RNASE9: variants seen among roughly 807,000 people sequenced by gnomAD.
RNASE9 encodes the protein inactive ribonuclease-like protein 9.
For synonymous variants in RNASE9, 95 were observed against 87.6 expected (o/e 1.08, Z -0.47); for missense variants, 263 against 247.1 (o/e 1.06, Z -0.43).
intron 1 of RNASE9, 45 bp downstream of exon 1, chr14:20,560,829 C>G (rs1883926001): frequency 6.6e-6 from 1 of 152,052 alleles, no homozygotes; most frequent in South Asian, 2.1e-4. Context: ...TATTATAGTA[C>G]TAGGACTCTC....
chr14:20,560,501 C>T (rs747496885), intron 1 of RNASE9: 2 of 151,444 alleles, frequency 1.3e-5, no homozygotes, highest in African/African-American at 4.9e-5. Flanking sequence ...GAAAGACAAA[C>T]AGCAAATTTT....
chr14:20,556,291 G>C (rs1309732939), exon 3 of RNASE9: 2 of 596,864 alleles, frequency 3.4e-6, no homozygotes, highest in African/African-American at 3.7e-5. Context: ...CACCGTCTGT[G>C]AACCTAGCCT....
upstream of RNASE9, chr14:20,561,025 C>A (rs762504195): frequency 6.6e-6 from 1 of 152,132 alleles, no homozygotes; most frequent in Non-Finnish European, 1.5e-5. Flanking sequence ...CATGTAGGGG[C>A]CTCTCCATGT....
At chr14:20,557,165 T>G in exon 3 of RNASE9, 1 of 1,326,136 alleles carries the variant, frequency 7.5e-7, no homozygotes, top group South Asian at 1.4e-5. Context: ...ATGCCACATG[T>G]TGCTGTTCTG....
Position 20,557,448 on chromosome 14 carries a change from A to G in RNASE9, c.-379T>C, listed in dbSNP as rs192190703. The G allele has an allele frequency of 2.2e-3, 422 of 192,556 alleles. 5 individuals carry two copies. The Middle Eastern group carries it at 0.027, about 12-fold the overall frequency. 11.9% of individuals were successfully genotyped at this position (192,556 alleles called of 1,614,324 possible). On this transcript the variant is annotated 5_prime_UTR_variant, in exon 3 of 3. Transcript: ENST00000555230. ...AGCAGTGGGGAGAAAGGGAGGGTGC[A>G]GAGAGGAGGCTCACATGCTCCTTTC...
chr14:20,557,582 A>G (rs1048109280), exon 3 of RNASE9: 3 of 153,602 alleles, frequency 2.0e-5, no homozygotes, highest in South Asian at 2.0e-4. Context: ...TTCCTTAACC[A>G]TGTCTTTCTT....
rs1250864342 is a variant in RNASE9 at position 20,556,600 on chromosome 14, G to T, written c.470C>A (p.Ser157Ter). The T allele has an allele frequency of 5.6e-6, 9 of 1,613,742 alleles. No homozygotes were observed. The highest frequency in any genetic ancestry group is 1.7e-5 in the Admixed American group (1 of 60,002). Residue 157 changes from serine to a stop codon, truncating the protein, a stop_gained, in exon 3 of 3, where the codon TCA becomes TAA. Transcript: ENST00000555230. LOFTEE classifies it low-confidence loss of function (END_TRUNC). ...AAGGACGTAGCCCTTCCTATAAAGT[G>T]ATTCGTATTTACACGCTGGTATTTC...
At position 20,558,474 on chromosome 14, in the gene RNASE9, C is replaced by T. The variant is rs1286212913; in HGVS notation, c.-1405G>A. 2.8e-5 allele frequency: 32 copies of T among 1,134,738 alleles called. No individual in the cohort carries two copies. The Admixed American group carries it at 6.3e-4, about 22-fold the overall frequency. The allele number at this position is 1,134,738 out of a possible 1,614,324, so 70.3% of individuals were successfully genotyped here. On this transcript the variant is annotated 5_prime_UTR_variant, in exon 3 of 3. Transcript: ENST00000555230. ...AAATGGCGATGTGAGAATGGGCACT[C>T]TGGGGCGGCCATGTGCCACACTGTC...
chr14:20,556,674 C>T, exon 3 of RNASE9: 1 of 1,613,608 alleles, frequency 6.2e-7, no homozygotes, highest in Non-Finnish European at 8.5e-7. Flanking sequence ...GACCTTTGCT[C>T]CTGTTACATT....
intron 1 of RNASE9, 131 bp from the exon 2 acceptor site, chr14:20,559,764 A>G (rs948470368): frequency 6.6e-6 from 1 of 152,222 alleles, no homozygotes; most frequent in African/African-American, 2.4e-5. Context: ...CTAAAACAGT[A>G]GGGAAAACGT....
chr14:20,556,883 C>A lies in RNASE9; in HGVS notation c.187G>T (p.Glu63Ter). ...ATAAGGACACGTCTTTTGACTTTTTCTTTGGTAGGTGGTCTGGCGGGCCCT... is the reference window on the plus strand; with the variant it reads ...ATAAGGACACGTCTTTTGACTTTTTATTTGGTAGGTGGTCTGGCGGGCCCT... Residue 63 changes from glutamate to a stop codon, truncating the protein, a stop_gained, in exon 3 of 3, where the codon GAA becomes TAA. Coordinates refer to ENST00000555230, the Ensembl canonical transcript of RNASE9. LOFTEE classifies it low-confidence loss of function (END_TRUNC). 6.2e-7 allele frequency: 1 copy of A among 1,614,104 alleles called. No homozygotes were observed. The highest frequency in any genetic ancestry group is 8.5e-7 in the Non-Finnish European group (1 of 1,179,970).
At chr14:20,560,695 G>T (rs1883920093) in intron 1 of RNASE9, among the ~76,000 whole-genome samples, 179 bp downstream of exon 1, 1 of 151,912 alleles carries the variant, frequency 6.6e-6, no homozygotes, top group South Asian at 2.1e-4. Context: ...TATATTCTTA[G>T]AATGGGCTAT....
chr14:20,559,404 AAGAGAGACAGAGGAG>A (rs1201470027), intron 2 of RNASE9, among the ~76,000 whole-genome samples, 163 bp downstream of exon 2: 1 of 151,984 alleles, frequency 6.6e-6, no homozygotes, highest in Non-Finnish European at 1.5e-5. Context: ...AAATGGAAGA[AAGAGAGACAGAGGAG>A]AGAGAGACAG....
At chr14:20,560,697 A>G (rs970018807) in intron 1 of RNASE9, among the ~76,000 whole-genome samples, 177 bp downstream of exon 1, 4 of 152,132 alleles carry the variant, frequency 2.6e-5, no homozygotes. Context: ...TATTCTTAGA[A>G]TGGGCTATTT....
At chr14:20,556,115 T>C (rs2138854306) in exon 3 of RNASE9, 1 of 214,194 alleles carries the variant, frequency 4.7e-6, no homozygotes, top group South Asian at 1.3e-4. Flanking sequence ...ATTTTTATTC[T>C]TTCTGCTGAA....
At chr14:20,556,402 A>G in exon 3 of RNASE9, 1 of 1,286,070 alleles carries the variant, frequency 7.8e-7, no homozygotes, top group South Asian at 1.3e-5. Context: ...TATAAGGATC[A>G]GTATGGAGAG....
intron 2 of RNASE9, chr14:20,558,677 G>T: frequency 8.0e-7 from 1 of 1,242,444 alleles, no homozygotes; most frequent in Non-Finnish European, 1.2e-6. Flanking sequence ...CAGTACACGT[G>T]TGAAAAGCAG....
At chr14:20,560,096 G>T (rs916784749) in intron 1 of RNASE9, among the ~76,000 whole-genome samples, 3 of 152,118 alleles carry the variant, frequency 2.0e-5, no homozygotes, top group Admixed American at 6.6e-5. Context: ...GGGCTTGTAG[G>T]TGAACCAATA....
At chr14:20,560,569 G>T (rs1883913719) in intron 1 of RNASE9, among the ~76,000 whole-genome samples, 1 of 151,926 alleles carries the variant, frequency 6.6e-6, no homozygotes, top group African/African-American at 2.4e-5. Flanking sequence ...ATGTGGGAAA[G>T]GGAAAGGTTA....
Sources: allele counts gnomAD v4.1 joint callset (sites outside exome capture counted in the v4.1 genomes callset), GRCh38; gene constraint gnomAD v4.1.1; transcripts MANE v1.5; gene names NCBI Gene and HGNC (gene_info 2026-07-23, HGNC 2026-07-21).